The following MATN2 variants were observed in gnomAD, a reference collection of about 807,000 sequenced individuals.
MATN2 encodes matrilin 2.
In MATN2, 69 loss-of-function variants were observed where a neutral mutation model predicts 103.2. The observed-to-expected ratio is 0.67, with a 90% CI of 0.55 to 0.82. The LOEUF (loss-of-function observed/expected upper bound fraction) is 0.82. MATN2 is among the 40% of genes least tolerant of loss of function. The pLI, the probability that MATN2 is intolerant of heterozygous loss-of-function variation, is 0.00. For synonymous variants in MATN2, 429 were observed against 450.2 expected (o/e 0.95, Z 0.60); for missense variants, 1,023 against 1,211.5 (o/e 0.84, Z 2.31).
intron 4 of MATN2, among the ~76,000 whole-genome samples, chr8:97,949,798 T>C (rs1451411280): frequency 6.6e-6 from 1 of 152,212 alleles, no homozygotes; most frequent in Non-Finnish European, 1.5e-5. Flanking sequence ...AATACACGCA[T>C]CCTGTATAAT....
At chr8:97,937,583 CTTTTTT>C (rs376203275) in intron 3 of MATN2, among the ~76,000 whole-genome samples, 4 of 89,814 alleles carry the variant, frequency 4.5e-5, no homozygotes, top group Non-Finnish European at 8.1e-5. Flanking sequence ...TCCCCACTAA[CTTTTTT>C]TTTTTTTTTT....
chr8:97,983,391 G>A (rs1244191755), intron 6 of MATN2, among the ~76,000 whole-genome samples: 1 of 152,196 alleles, frequency 6.6e-6, no homozygotes, highest in African/African-American at 2.4e-5. Context: ...ATACCCAGAA[G>A]TGGAATTGCT....
chr8:97,880,279 A>ATTT (rs1818211292), intron 1 of MATN2, among the ~76,000 whole-genome samples: 3 of 151,964 alleles, frequency 2.0e-5, no homozygotes, highest in Non-Finnish European at 2.9e-5. Context: ...AGATGGTGGA[A>ATTT]CAGGAATTAA....
chr8:97,908,830 T>C (rs1450526428), intron 2 of MATN2, among the ~76,000 whole-genome samples: 1 of 152,208 alleles, frequency 6.6e-6, no homozygotes, highest in African/African-American at 2.4e-5. Flanking sequence ...GGTTTTGCCA[T>C]GTTGGCCAGG....
intron 2 of MATN2, among the ~76,000 whole-genome samples, chr8:97,922,306 C>T (rs1294495294): frequency 6.6e-6 from 1 of 152,200 alleles, no homozygotes; most frequent in Non-Finnish European, 1.5e-5. Context: ...TTTGCTCTGA[C>T]CCCATGCCCA....
intron 2 of MATN2, among the ~76,000 whole-genome samples, chr8:97,890,888 T>C (rs1179897759): frequency 6.6e-6 from 1 of 152,252 alleles, no homozygotes; most frequent in African/African-American, 2.4e-5. Flanking sequence ...TTGAACTTTC[T>C]GGGTTTTAAA....
At chr8:97,898,059 C>T (rs11996075) in intron 2 of MATN2, among the ~76,000 whole-genome samples, 43,208 of 151,968 alleles carry the variant, frequency 0.28, 11,332 homozygotes, top group African/African-American at 0.7. Context: ...TCTCCAGTAC[C>T]CCCCTTCCTC....
chr8:97,927,328 T>TATTA (rs34796884), intron 2 of MATN2, among the ~76,000 whole-genome samples: 267 of 146,620 alleles, frequency 1.8e-3, no homozygotes, highest in African/African-American at 6.7e-3. Flanking sequence ...TTATTATTAT[T>TATTA]TTTTTTTTTT....
chr8:98,026,992 T>C (rs1467123326), intron 13 of MATN2, among the ~76,000 whole-genome samples: 1 of 152,182 alleles, frequency 6.6e-6, no homozygotes, highest in African/African-American at 2.4e-5. Context: ...ATGGCTGAGC[T>C]GAAGAAATCT....
Position 98,035,941 on chromosome 8 carries a change from AGAAT to A in MATN2, c.*234_*237del, listed in dbSNP as rs1197861551. On this transcript the variant is annotated 3_prime_UTR_variant, in exon 19 of 19. Transcript: ENST00000254898. ...AATTCTAAGATGAATTTACCAGGTG[AGAAT>A]GAATAAGCTATGCAAGGTATTTTGT... is the stretch of plus-strand genomic sequence containing the variant. The A allele has an allele frequency of 2.1e-5, 8 of 386,860 alleles. No homozygotes were observed. The highest frequency in any genetic ancestry group is 3.2e-5 in the Non-Finnish European group (7 of 218,120). 24.0% of individuals were successfully genotyped at this position (386,860 alleles called of 1,614,324 possible). A position where few individuals can be genotyped will look rare whatever the true frequency, so the allele number is the denominator to read the frequency against.
intron 3 of MATN2, among the ~76,000 whole-genome samples, chr8:97,941,141 G>T (rs1400945845): frequency 9.4e-6 from 1 of 106,844 alleles, no homozygotes; most frequent in Non-Finnish European, 1.7e-5. Context: ...CAGCCTGGAA[G>T]ACAGAGCAAG....
Position 98,000,596 on chromosome 8 carries a change from C to CAAA in MATN2, c.1205-3053_1205-3051dup, listed in dbSNP as rs67682756. ...TGGATGACAGAGCGAGACTCCGTCT[C>CAAA]AAAAAAAAAAAAAAGAAATATGGTT... On this transcript the variant is annotated intron_variant, in intron 7 of 18. Transcript: ENST00000254898. 1.5e-3 allele frequency among the ~76,000 whole-genome samples: 77 copies of CAAA among 49,678 alleles called. 2 individuals are homozygous for CAAA. The highest frequency in any genetic ancestry group is 4.6e-3 in the African/African-American group (74 of 16,050). The allele number at this position is 49,678 out of a possible 152,430, so 32.6% of individuals were successfully genotyped here. A position where few individuals can be genotyped will look rare whatever the true frequency, so the allele number is the denominator to read the frequency against.
At chr8:97,983,945 G>A (rs1031630571) in intron 6 of MATN2, among the ~76,000 whole-genome samples, 4 of 152,106 alleles carry the variant, frequency 2.6e-5, no homozygotes, top group Middle Eastern at 3.2e-3. Context: ...CCACCATTCC[G>A]GAAATAATTT....
chr8:97,927,993 C>G (rs1388018460), intron 2 of MATN2, among the ~76,000 whole-genome samples: 1 of 152,180 alleles, frequency 6.6e-6, no homozygotes, highest in African/African-American at 2.4e-5. Flanking sequence ...TAAGCCTGGC[C>G]CCTCTTCTCA....
At chr8:98,022,067 C>G (rs1334874554) in intron 13 of MATN2, among the ~76,000 whole-genome samples, 1 of 152,134 alleles carries the variant, frequency 6.6e-6, no homozygotes, top group Non-Finnish European at 1.5e-5. Flanking sequence ...TTATACAGCA[C>G]TATTTGTAGC....
chr8:98,028,497 T>A (rs1386146554), intron 14 of MATN2, among the ~76,000 whole-genome samples: 2 of 151,912 alleles, frequency 1.3e-5, no homozygotes, highest in African/African-American at 4.8e-5. Flanking sequence ...ACCCAAAAGG[T>A]AGGATAATTG....
At chr8:97,893,852 T>C (rs1042680578) in intron 2 of MATN2, among the ~76,000 whole-genome samples, 24 of 152,176 alleles carry the variant, frequency 1.6e-4, no homozygotes, top group Non-Finnish European at 2.8e-4. Context: ...CCCCAGTGTA[T>C]TCTTGATTCC....
chr8:97,928,151 C>T (rs1387975067), intron 2 of MATN2, among the ~76,000 whole-genome samples: 8 of 151,754 alleles, frequency 5.3e-5, no homozygotes, highest in Non-Finnish European at 1.0e-4. Flanking sequence ...CCATCATCTA[C>T]TGCCCCAACC....
At chr8:97,950,072 C>T (rs1400180464) in intron 4 of MATN2, among the ~76,000 whole-genome samples, 1 of 152,076 alleles carries the variant, frequency 6.6e-6, no homozygotes, top group Non-Finnish European at 1.5e-5. Flanking sequence ...GATGACTATG[C>T]TCATTATCTT....
Sources: allele counts gnomAD v4.1 joint callset (sites outside exome capture counted in the v4.1 genomes callset), GRCh38; gene constraint gnomAD v4.1.1; transcripts MANE v1.5; gene names NCBI Gene and HGNC (gene_info 2026-07-23, HGNC 2026-07-21).